Variants in RHOU observed in about 807,000 individuals in gnomAD.
The protein encoded by RHOU is rho-related GTP-binding protein RhoU.
Under a neutral mutation model 12.6 loss-of-function variants are expected in RHOU, and 8 were observed. The observed-to-expected ratio is 0.64, with a 90% CI of 0.37 to 1.15. The LOEUF is 1.15. RHOU is among the 50% of genes most tolerant of loss of function. RHOU has a pLI of 0.01. For missense variants in RHOU, 258 were observed against 347.0 expected (o/e 0.74, Z 2.04); for synonymous variants, 161 against 147.4 (o/e 1.09, Z -0.67).
At chr1:228,716,153 A>T in the RHOU span, among the ~76,000 whole-genome samples, 1 of 152,094 alleles carries the variant, frequency 6.6e-6, no homozygotes, top group Non-Finnish European at 1.5e-5. Flanking sequence ...CCTAGGCTCA[A>T]GCGATCCTCC....
chr1:228,672,369 G>T, the RHOU span, among the ~76,000 whole-genome samples: 6 of 152,120 alleles, frequency 3.9e-5, no homozygotes, highest in African/African-American at 1.4e-4. Flanking sequence ...CAACATGTTT[G>T]CCAGGCTGGT....
the RHOU span, among the ~76,000 whole-genome samples, chr1:228,653,052 T>C: frequency 6.6e-6 from 1 of 152,240 alleles, no homozygotes; most frequent in Non-Finnish European, 1.5e-5. Context: ...AAATATTGGT[T>C]ACATTGCCAT....
the RHOU span, among the ~76,000 whole-genome samples, chr1:228,695,110 C>T: frequency 6.6e-6 from 1 of 152,136 alleles, no homozygotes; most frequent in East Asian, 1.9e-4. Context: ...GCTGAAACCA[C>T]AGGCATGCAC....
the RHOU span, among the ~76,000 whole-genome samples, chr1:228,665,581 A>G: frequency 2.9e-4 from 44 of 152,344 alleles, no homozygotes; most frequent in African/African-American, 1.0e-3. Context: ...GAGTGGGGAC[A>G]GTAATATATC....
chr1:228,658,929 A>G, the RHOU span, among the ~76,000 whole-genome samples: 1 of 152,216 alleles, frequency 6.6e-6, no homozygotes, highest in Non-Finnish European at 1.5e-5. Context: ...ATTACTGTAT[A>G]AATGCACCCT....
At chr1:228,673,052 A>T in the RHOU span, among the ~76,000 whole-genome samples, 2 of 152,230 alleles carry the variant, frequency 1.3e-5, 1 homozygote, top group Non-Finnish European at 2.9e-5. Context: ...TGATTAAAAA[A>T]ATTCATATTG....
chr1:228,653,594 C>G, the RHOU span, among the ~76,000 whole-genome samples: 3 of 152,170 alleles, frequency 2.0e-5, no homozygotes, highest in African/African-American at 7.2e-5. Flanking sequence ...GCTGAGATTA[C>G]AGGCATGAGC....
the RHOU span, among the ~76,000 whole-genome samples, chr1:228,707,182 A>T: frequency 1.1e-5 from 1 of 93,220 alleles, no homozygotes; most frequent in Admixed American, 1.2e-4. Flanking sequence ...ATATTAACAA[A>T]ATATATATAT....
At position 228,743,013 on chromosome 1, in the gene RHOU, A is replaced by G. The variant is rs1464158906; in HGVS notation, c.322-272A>G. ...AGCACTTTTTCTATGTTAAGCTGTA[A>G]GTAGGTCTTGAGTGTCGATGAACAC... On this transcript the variant is annotated intron_variant, in intron 2 of 2. Transcript: ENST00000366691. The surrounding 1 kb of genome is among the most constrained non-coding windows in gnomAD (Gnocchi z 5.1). 6.6e-6 allele frequency among the ~76,000 whole-genome samples: 1 copy of G among 152,170 alleles called. No homozygotes were observed. Among genetic ancestry groups the G allele is most frequent in the Non-Finnish European group, 1.5e-5 (1 of 68,030 alleles).
In RHOU at chr1:228,743,810, ACTC is replaced by A; in HGVS notation, c.*73_*75del. On this transcript the variant is annotated 3_prime_UTR_variant, in exon 3 of 3. Coordinates refer to ENST00000366691, the MANE Select transcript of RHOU (RefSeq NM_021205.6). This position sits in a 1 kb window ranked among gnomAD's most constrained non-coding sequence, Gnocchi z 5.1. ...ATTAGAAGCTATATTAGCTGAAACA[ACTC>A]CTTTTACTGCGTAGAACCTATATCG... 1 of 1,302,650 alleles carries A rather than the reference ACTC, an allele frequency of 7.7e-7. No homozygotes were observed. Among genetic ancestry groups the A allele is most frequent in the Non-Finnish European group, 1.1e-6 (1 of 932,572 alleles). The allele number at this position is 1,302,650 out of a possible 1,614,324, so 80.7% of individuals were successfully genotyped here.
At chr1:228,714,907 C>A in the RHOU span, among the ~76,000 whole-genome samples, 1 of 151,778 alleles carries the variant, frequency 6.6e-6, no homozygotes, top group Non-Finnish European at 1.5e-5. Context: ...CCACACCTGG[C>A]TAATTTTTGT....
rs1662628462 is a variant in RHOU at position 228,737,169 on chromosome 1, T to A, written c.263-504T>A. The stretch of plus-strand genomic sequence containing the variant: ...CCTGACATAGAGATAAGGAGTGCCC[T>A]CATTTCTTAAACAGGACAATGCGGG... On this transcript the variant is annotated intron_variant, in intron 1 of 2. Transcript: ENST00000366691. This position sits in a 1 kb window ranked among gnomAD's most constrained non-coding sequence, Gnocchi z 4.1. Among the ~76,000 whole-genome samples the A allele has an allele frequency of 6.6e-6, 1 of 152,172 alleles. No homozygotes were observed. The highest frequency in any genetic ancestry group is 1.5e-5 in the Non-Finnish European group (1 of 68,042).
At position 228,736,201 on chromosome 1, in the gene RHOU, A is replaced by G. The variant is rs529603080; in HGVS notation, c.262+197A>G. 9.7e-4 allele frequency among the ~76,000 whole-genome samples: 144 copies of G among 148,100 alleles called. 1 individual carries two copies. Among genetic ancestry groups the G allele is most frequent in the African/African-American group, 3.6e-3 (141 of 39,648 alleles). ...CCGGGCAAGCGCGGAGCTAACACGAAAGGACCACGGCGGAGTGGGCTTGGA... is the reference window on the plus strand; with the variant it reads ...CCGGGCAAGCGCGGAGCTAACACGAGAGGACCACGGCGGAGTGGGCTTGGA... On this transcript the variant is annotated intron_variant, in intron 1 of 2. Transcript: ENST00000366691.
At chr1:228,720,789 G>A in the RHOU span, among the ~76,000 whole-genome samples, 1 of 152,206 alleles carries the variant, frequency 6.6e-6, no homozygotes, top group South Asian at 2.1e-4. Flanking sequence ...TAAATAAAAT[G>A]ACTTGCACAG....
At chr1:228,652,028 C>T in the RHOU span, among the ~76,000 whole-genome samples, 4 of 151,622 alleles carry the variant, frequency 2.6e-5, no homozygotes, top group Non-Finnish European at 5.9e-5. Flanking sequence ...TGACCTTGGA[C>T]TTTTATAAGT....
the RHOU span, among the ~76,000 whole-genome samples, chr1:228,681,778 GAGA>G: frequency 6.6e-6 from 1 of 152,130 alleles, no homozygotes; most frequent in Non-Finnish European, 1.5e-5. Context: ...CAGGCTAAGG[GAGA>G]AGAAGGAGAA....
the RHOU span, among the ~76,000 whole-genome samples, chr1:228,715,706 C>G: frequency 1.3e-5 from 2 of 151,886 alleles, no homozygotes; most frequent in Admixed American, 6.6e-5. Context: ...CATTTTAGTT[C>G]TATATCTTCA....
At chr1:228,687,321 TC>T in the RHOU span, 3 of 684,132 alleles carry the variant, frequency 4.4e-6, no homozygotes, top group Admixed American at 7.1e-5. Flanking sequence ...TTACCAAATT[TC>T]TTTATTTGAA....
chr1:228,722,090 T>C, the RHOU span, among the ~76,000 whole-genome samples: 1 of 152,234 alleles, frequency 6.6e-6, no homozygotes. Flanking sequence ...TCAGATTTTT[T>C]ACTGGCCACA....
Sources: gnomAD v4.1 joint callset for allele counts (sites outside exome capture counted in the v4.1 genomes callset) on GRCh38, gnomAD v4.1.1 for gene constraint, Gnocchi (gnomAD v3.1) non-coding constraint, MANE v1.5 for transcripts, NCBI Gene and HGNC (gene_info 2026-07-23, HGNC 2026-07-21) for gene names.